STX6: variants seen among roughly 807,000 people sequenced by gnomAD.
STX6 encodes syntaxin 6.
STX6 carries 23 observed loss-of-function variants against 38.0 expected under a neutral mutation model. That is an observed-to-expected ratio of 0.60 (90% CI 0.43 to 0.86). STX6 has a LOEUF of 0.86. Among genes scored for constraint, STX6 ranks in the 40% least tolerant of loss-of-function variants. The probability of loss-of-function intolerance (pLI) is 0.00; values close to 1 mark genes in which losing one functional copy is unlikely to be tolerated. For missense variants in STX6, 274 were observed against 312.9 expected (o/e 0.88, Z 0.94); for synonymous variants, 123 against 107.5 (o/e 1.14, Z -0.89).
chr1:181,006,978 C>T (rs997124718), intron 1 of STX6, among the ~76,000 whole-genome samples: 3 of 152,136 alleles, frequency 2.0e-5, no homozygotes, highest in Admixed American at 2.0e-4. Flanking sequence ...ACTTTCAGTG[C>T]TAATGAGAAA....
rs1442398673 is a variant in STX6 at position 180,973,632 on chromosome 1, T to C, written c.*2938A>G. The stretch of plus-strand genomic sequence containing the variant: ...TCAGCTCTGGCGTGCATTCTGAAAT[T>C]GTGGAAGATCCTCATGTAACACACA... On this transcript the variant is annotated 3_prime_UTR_variant, in exon 8 of 8. Transcript: ENST00000258301. The C allele has an allele frequency of 6.5e-6, 1 of 152,690 alleles. No homozygotes were observed. The highest frequency in any genetic ancestry group is 1.5e-5 in the Non-Finnish European group (1 of 68,064). The allele number at this position is 152,690 out of a possible 1,614,324, so 9.5% of individuals were successfully genotyped here. A position where few individuals can be genotyped will look rare whatever the true frequency, so the allele number is the denominator to read the frequency against.
intron 7 of STX6, 57 bp from the exon 8 acceptor site, chr1:180,976,703 C>A: frequency 6.6e-7 from 1 of 1,526,666 alleles, no homozygotes; most frequent in Non-Finnish European, 9.0e-7. Flanking sequence ...CCCCAAGATA[C>A]AGTTATATGG....
In STX6 at chr1:181,022,835, C is replaced by G. The variant is rs906904315; in HGVS notation, c.-162G>C. ...ACAGGCCAGGTGCACAGGACGGCCG[C>G]TGGTCCAGCACTCGCTCAGCACCAC... On this transcript the variant is annotated 5_prime_UTR_variant, in exon 1 of 8. Transcript: ENST00000258301. The G allele has an allele frequency of 1.1e-5, 7 of 658,290 alleles. No individual in the cohort carries two copies. The highest frequency in any genetic ancestry group is 1.9e-5 in the African/African-American group (1 of 53,788). 40.8% of individuals were successfully genotyped at this position (658,290 alleles called of 1,614,324 possible).
rs1001799517 is a variant in STX6, at chr1:180,974,690, T to C, written c.*1880A>G. ...ACTTTAAAAGACTTCTATATTTTAA[T>C]GCAAATCTAAGGATCATCCCCTTTC... On this transcript the variant is annotated 3_prime_UTR_variant, in exon 8 of 8. Transcript: ENST00000258301. The C allele has an allele frequency of 6.5e-6, 1 of 152,704 alleles. No homozygotes were observed. Among genetic ancestry groups the C allele is most frequent in the African/African-American group, 2.4e-5 (1 of 41,478 alleles). The allele number at this position is 152,704 out of a possible 1,614,324, so 9.5% of individuals were successfully genotyped here. A position where few individuals can be genotyped will look rare whatever the true frequency, so the allele number is the denominator to read the frequency against.
At chr1:180,977,516 T>C (rs1655290692) in intron 7 of STX6, among the ~76,000 whole-genome samples, 1 of 152,210 alleles carries the variant, frequency 6.6e-6, no homozygotes, top group South Asian at 2.1e-4. Flanking sequence ...GAGGATGCTG[T>C]CAACATCAGG....
intron 4 of STX6, among the ~76,000 whole-genome samples, chr1:180,992,236 G>A (rs923162685): frequency 2.6e-4 from 40 of 152,176 alleles, no homozygotes; most frequent in African/African-American, 9.2e-4. Context: ...AGCAAAGGAG[G>A]CAAATAAGAT....
chr1:181,012,788 C>T (rs1558099232), intron 1 of STX6, among the ~76,000 whole-genome samples: 1 of 151,728 alleles, frequency 6.6e-6, no homozygotes, highest in South Asian at 2.1e-4. Flanking sequence ...AATTACCCCG[C>T]TTCAGCCTCC....
Position 180,976,555 on chromosome 1 carries a change from C to G in STX6, c.*15G>C. Reference sequence around the variant, plus strand: ...GTTCATATGCAGGAGGAACTCGCACCCAGAGGCCCCGCCGTCACAGCACTA... The same window carrying G: ...GTTCATATGCAGGAGGAACTCGCACGCAGAGGCCCCGCCGTCACAGCACTA... On this transcript the variant is annotated 3_prime_UTR_variant, in exon 8 of 8. Transcript: ENST00000258301. The G allele has an allele frequency of 1.2e-6, 2 of 1,613,128 alleles. No homozygotes were observed. Among genetic ancestry groups the G allele is most frequent in the Non-Finnish European group, 1.7e-6 (2 of 1,179,672 alleles).
At chr1:181,014,406 G>GA (rs200099705) in intron 1 of STX6, among the ~76,000 whole-genome samples, 1,639 of 142,230 alleles carry the variant, frequency 0.012, 16 homozygotes, top group Middle Eastern at 0.025. Context: ...AAAAAAAAAA[G>GA]AAAAAAAAAG....
intron 3 of STX6, among the ~76,000 whole-genome samples, chr1:181,002,052 C>A (rs1420497156): frequency 6.6e-6 from 1 of 152,130 alleles, no homozygotes; most frequent in Non-Finnish European, 1.5e-5. Context: ...CGCCTGTAGT[C>A]CCAGCTATTT....
chr1:181,009,417 C>T (rs560739118), intron 1 of STX6, among the ~76,000 whole-genome samples: 45 of 146,972 alleles, frequency 3.1e-4, no homozygotes, highest in African/African-American at 9.9e-4. Context: ...TGCAGTGAAC[C>T]GAGATCGTGC....
At chr1:180,991,804 C>G (rs1655763421) in intron 4 of STX6, among the ~76,000 whole-genome samples, 1 of 152,004 alleles carries the variant, frequency 6.6e-6, no homozygotes, top group South Asian at 2.1e-4. Flanking sequence ...CTTAGAGAGC[C>G]CTGATCCTGC....
At chr1:181,021,985 C>T (rs1015611350) in intron 1 of STX6, among the ~76,000 whole-genome samples, 1 of 152,176 alleles carries the variant, frequency 6.6e-6, no homozygotes, top group African/African-American at 2.4e-5. Context: ...TGTTTTCCTT[C>T]CAAATCATCA....
intron 4 of STX6, among the ~76,000 whole-genome samples, chr1:180,992,970 C>T (rs1006272671): frequency 6.6e-6 from 1 of 152,166 alleles, no homozygotes; most frequent in African/African-American, 2.4e-5. Context: ...CACATCTCTC[C>T]TCACTGTCAA....
chr1:180,984,231 CAA>C (rs112816132), intron 7 of STX6, among the ~76,000 whole-genome samples: 4 of 139,408 alleles, frequency 2.9e-5, no homozygotes, highest in African/African-American at 5.2e-5. Context: ...TAAGGCATCA[CAA>C]AAAAAAAAAA....
chr1:180,995,898 C>CG (rs111774416), intron 3 of STX6, among the ~76,000 whole-genome samples: 26 of 152,198 alleles, frequency 1.7e-4, no homozygotes, highest in African/African-American at 6.0e-4. Context: ...AGCACAGGCA[C>CG]CTTCTGGGGG....
chr1:180,997,386 T>C (rs1655943427), intron 3 of STX6, among the ~76,000 whole-genome samples: 1 of 152,222 alleles, frequency 6.6e-6, no homozygotes, highest in Non-Finnish European at 1.5e-5. Context: ...ACTCAGTTAT[T>C]AGAAAACTTT....
intron 7 of STX6, among the ~76,000 whole-genome samples, chr1:180,978,459 A>G (rs1655312991): frequency 6.6e-6 from 1 of 152,094 alleles, no homozygotes; most frequent in Non-Finnish European, 1.5e-5. Context: ...CAAACAAACA[A>G]AAACACTCCA....
intron 5 of STX6, among the ~76,000 whole-genome samples, chr1:180,989,542 A>T (rs1322466766): frequency 6.6e-6 from 1 of 152,204 alleles, no homozygotes; most frequent in Non-Finnish European, 1.5e-5. Context: ...TTTCGAAGAA[A>T]AAAATGAGAG....
Sources: allele counts gnomAD v4.1 joint callset (sites outside exome capture counted in the v4.1 genomes callset), GRCh38; gene constraint gnomAD v4.1.1; transcripts MANE v1.5; gene names NCBI Gene and HGNC (gene_info 2026-07-23, HGNC 2026-07-21).